Variants in EVI5 observed in about 807,000 individuals in gnomAD.
The protein encoded by EVI5 is ecotropic viral integration site 5.
EVI5 carries 73 observed loss-of-function variants against 112.0 expected under a neutral mutation model. The observed-to-expected ratio is 0.65, with a 90% confidence interval of 0.54 to 0.79. The LOEUF (loss-of-function observed/expected upper bound fraction) is 0.79, where lower values mean the gene tolerates loss of function less well. Ranked by LOEUF, EVI5 falls within the 30% of genes least tolerant of loss-of-function variation. The pLI is 0.00. For synonymous variants in EVI5, 305 were observed against 319.9 expected (o/e 0.95, Z 0.50); for missense variants, 900 against 968.8 (o/e 0.93, Z 0.94).
intron 14 of EVI5, among the ~76,000 whole-genome samples, chr1:92,627,221 C>A (rs1317467399): frequency 6.6e-6 from 1 of 152,168 alleles, no homozygotes; most frequent in African/African-American, 2.4e-5. Context: ...GCCTTTGCAT[C>A]CTCCTAGCTT....
At chr1:92,778,441 A>G (rs1446049224) in intron 1 of EVI5, among the ~76,000 whole-genome samples, 1 of 152,140 alleles carries the variant, frequency 6.6e-6, no homozygotes, top group Admixed American at 6.6e-5. Context: ...TAAACCATAC[A>G]AGGTGGAAGA....
At chr1:92,530,331 C>T (rs1040973502) in intron 19 of EVI5, among the ~76,000 whole-genome samples, 9 of 152,108 alleles carry the variant, frequency 5.9e-5, no homozygotes, top group African/African-American at 1.9e-4. Context: ...GGACGAAGCA[C>T]CTGGGGGAAG....
intron 1 of EVI5, among the ~76,000 whole-genome samples, chr1:92,781,989 G>A (rs564886816): frequency 4.2e-5 from 6 of 141,920 alleles, no homozygotes; most frequent in Non-Finnish European, 7.5e-5. Context: ...GGCCAGGCAC[G>A]GTGGCTCACA....
chr1:92,566,995 C>T (rs994803965), intron 18 of EVI5, among the ~76,000 whole-genome samples: 7 of 151,836 alleles, frequency 4.6e-5, no homozygotes, highest in Admixed American at 1.3e-4. Context: ...TTATTAGAGA[C>T]GGGGTTTCAC....
intron 19 of EVI5, among the ~76,000 whole-genome samples, chr1:92,563,363 A>C (rs2100902251): frequency 6.6e-6 from 1 of 152,330 alleles, no homozygotes; most frequent in African/African-American, 2.4e-5. Context: ...CAAACTATCA[A>C]GAGTTTTTAC....
At chr1:92,770,418 G>C (rs537254645) in intron 1 of EVI5, among the ~76,000 whole-genome samples, 9 of 152,312 alleles carry the variant, frequency 5.9e-5, no homozygotes, top group Non-Finnish European at 1.2e-4. Context: ...TTCTCCACAT[G>C]TGTACGTTTC....
chr1:92,786,462 G>A (rs1685648478), upstream of EVI5, among the ~76,000 whole-genome samples: 1 of 152,092 alleles, frequency 6.6e-6, no homozygotes, highest in South Asian at 2.1e-4. Flanking sequence ...CTACATCCTT[G>A]ATAATGTACC....
intron 2 of EVI5, among the ~76,000 whole-genome samples, chr1:92,720,615 G>A (rs1674579477): frequency 6.6e-6 from 1 of 152,182 alleles, no homozygotes; most frequent in South Asian, 2.1e-4. Context: ...ACAGGCATGG[G>A]CAAGGACTTC....
intron 17 of EVI5, 194 bp downstream of exon 17, chr1:92,607,387 T>C: frequency 2.4e-6 from 1 of 421,694 alleles, no homozygotes; most frequent in Non-Finnish European, 4.1e-6. Context: ...AAATGTTTCT[T>C]GACTAAAATC....
At chr1:92,640,556 AC>A (rs1299455891) in intron 13 of EVI5, among the ~76,000 whole-genome samples, 1 of 152,212 alleles carries the variant, frequency 6.6e-6, no homozygotes, top group African/African-American at 2.4e-5. Flanking sequence ...ACAATGAGAT[AC>A]CATCTCATGC....
chr1:92,699,532 G>A (rs948261906), intron 5 of EVI5, among the ~76,000 whole-genome samples: 3 of 152,060 alleles, frequency 2.0e-5, no homozygotes, highest in Non-Finnish European at 4.4e-5. Flanking sequence ...CCACAGCACT[G>A]GAAGGGGACA....
At chr1:92,774,489 A>T (rs1683854984) in intron 1 of EVI5, among the ~76,000 whole-genome samples, 1 of 152,200 alleles carries the variant, frequency 6.6e-6, no homozygotes, top group South Asian at 2.1e-4. Context: ...CAAAATCCCC[A>T]TCCTTCCTTC....
intron 14 of EVI5, among the ~76,000 whole-genome samples, chr1:92,634,902 G>C (rs1333318563): frequency 6.6e-6 from 1 of 152,188 alleles, no homozygotes; most frequent in Non-Finnish European, 1.5e-5. Flanking sequence ...CTACCAGTCA[G>C]GACCCTTAGC....
chr1:92,548,330 T>G (rs924958220), intron 19 of EVI5, among the ~76,000 whole-genome samples: 7 of 152,340 alleles, frequency 4.6e-5, no homozygotes, highest in African/African-American at 9.6e-5. Flanking sequence ...ATAAATTCGG[T>G]ATTGATTGGA....
chr1:92,523,856 C>G (rs1458068196), intron 19 of EVI5, among the ~76,000 whole-genome samples: 3 of 152,050 alleles, frequency 2.0e-5, no homozygotes, highest in Non-Finnish European at 4.4e-5. Context: ...GAGGCCGAGG[C>G]TGGTGGATCA....
Position 92,580,119 on chromosome 1 carries a change from T to C in EVI5, c.2071-16382A>G, listed in dbSNP as rs192689942. ...ATCTGATCAAGCTAAAGAAAACCCA[T>C]GAGGCTAATGCTTGAACAAGAATGG... is the stretch of plus-strand genomic sequence containing the variant. On this transcript the variant is annotated intron_variant, in intron 18 of 19. Transcript: ENST00000684568. 4.3e-3 allele frequency among the ~76,000 whole-genome samples: 654 copies of C among 152,316 alleles called. 3 individuals are homozygous for C. Among genetic ancestry groups the C allele is most frequent in the Middle Eastern group, 6.8e-3 (2 of 294 alleles).
intron 13 of EVI5, among the ~76,000 whole-genome samples, chr1:92,658,266 G>C (rs1485858996): frequency 1.3e-5 from 2 of 152,062 alleles, no homozygotes; most frequent in Admixed American, 6.6e-5. Flanking sequence ...AGAAATAAAA[G>C]ATATTCAAAT....
upstream of EVI5, chr1:92,785,111 G>C (rs1406797403): frequency 1.0e-6 from 1 of 985,324 alleles, no homozygotes; most frequent in Non-Finnish European, 1.2e-6. Context: ...GAGAGCCCAA[G>C]GCGCAGGCGC....
At chr1:92,703,143 C>A (rs1671455126) in intron 4 of EVI5, among the ~76,000 whole-genome samples, 1 of 152,102 alleles carries the variant, frequency 6.6e-6, no homozygotes, top group South Asian at 2.1e-4. Flanking sequence ...GAGGATCCCT[C>A]TATGATATGT....
Sources: gnomAD v4.1 joint callset for allele counts (sites outside exome capture counted in the v4.1 genomes callset) on GRCh38, gnomAD v4.1.1 for gene constraint, MANE v1.5 for transcripts, NCBI Gene and HGNC (gene_info 2026-07-23, HGNC 2026-07-21) for gene names.